The following FRMD4B variants were observed in gnomAD, a reference collection of about 807,000 sequenced individuals.
The protein encoded by FRMD4B is FERM domain-containing protein 4B.
FRMD4B carries 74 observed loss-of-function variants against 141.5 expected under a neutral mutation model. That is an observed-to-expected ratio of 0.52 (90% confidence interval 0.43 to 0.63). The LOEUF (loss-of-function observed/expected upper bound fraction) is 0.63, where lower values mean the gene tolerates loss of function less well. Among genes scored for constraint, FRMD4B ranks in the 30% least tolerant of loss-of-function variants. FRMD4B has a pLI of 0.00. For missense variants in FRMD4B, 1,366 were observed against 1,253.4 expected (o/e 1.09, Z -1.36); for synonymous variants, 506 against 467.9 (o/e 1.08, Z -1.05).
chr3:69,429,118 C>A (rs573994072), intron 2 of FRMD4B, among the ~76,000 whole-genome samples: 1 of 152,276 alleles, frequency 6.6e-6, no homozygotes, highest in East Asian at 1.9e-4. Flanking sequence ...TCAGAGTGTT[C>A]TATTAGATGG....
At chr3:69,371,739 C>T (rs28668289) in intron 1 of FRMD4B, among the ~76,000 whole-genome samples, 7,515 of 152,210 alleles carry the variant, frequency 0.049, 657 homozygotes, top group African/African-American at 0.17. Flanking sequence ...AAGGTTTTCA[C>T]TTCAGCACCC....
chr3:69,473,943 A>T (rs1189019322), intron 1 of FRMD4B, among the ~76,000 whole-genome samples: 1 of 152,094 alleles, frequency 6.6e-6, no homozygotes, highest in African/African-American at 2.4e-5. Context: ...GGCTTCTCCC[A>T]TCCCAGCCGT....
intron 1 of FRMD4B, among the ~76,000 whole-genome samples, chr3:69,375,513 T>C (rs1703949605): frequency 6.6e-6 from 1 of 152,166 alleles, no homozygotes; most frequent in Non-Finnish European, 1.5e-5. Context: ...AGAACTCACA[T>C]AACCAGTAAA....
intron 1 of FRMD4B, among the ~76,000 whole-genome samples, chr3:69,501,672 C>T (rs56289820): frequency 0.59 from 90,249 of 151,842 alleles, 28,886 homozygotes; most frequent in African/African-American, 0.86. Flanking sequence ...TGTTGGAAGT[C>T]CTGGCCAGGG....
intron 1 of FRMD4B, among the ~76,000 whole-genome samples, chr3:69,442,874 A>G (rs1705361710): frequency 2.0e-5 from 3 of 152,216 alleles, no homozygotes; most frequent in Admixed American, 2.0e-4. Context: ...CATATGCACA[A>G]TGAGAAGGTG....
intron 1 of FRMD4B, among the ~76,000 whole-genome samples, chr3:69,348,786 C>T (rs538892885): frequency 6.6e-6 from 1 of 152,158 alleles, no homozygotes. Flanking sequence ...ATTCAACAGC[C>T]CTTTATGCTA....
chr3:69,375,186 T>C (rs1162465718), intron 1 of FRMD4B, among the ~76,000 whole-genome samples: 1 of 148,656 alleles, frequency 6.7e-6, no homozygotes, highest in Non-Finnish European at 1.5e-5. Context: ...CACTTACCTG[T>C]CCACCCATCC....
intron 14 of FRMD4B, among the ~76,000 whole-genome samples, chr3:69,195,814 A>T (rs1170650703): frequency 3.3e-5 from 5 of 152,230 alleles, no homozygotes; most frequent in African/African-American, 1.2e-4. Flanking sequence ...ATTTTAGTAA[A>T]GTTACATATA....
upstream of FRMD4B, among the ~76,000 whole-genome samples, chr3:69,388,022 T>A (rs568526040): frequency 6.6e-6 from 1 of 152,120 alleles, no homozygotes; most frequent in Non-Finnish European, 1.5e-5. Context: ...ACTGTCATCA[T>A]GCTGAATGGA....
chr3:69,244,557 C>G (rs1348091637), intron 7 of FRMD4B, among the ~76,000 whole-genome samples: 2 of 152,058 alleles, frequency 1.3e-5, no homozygotes, highest in Non-Finnish European at 2.9e-5. Flanking sequence ...CTCTTGAACC[C>G]AGGAGGTGGA....
At chr3:69,188,101 A>G (rs1272455267) in intron 18 of FRMD4B, among the ~76,000 whole-genome samples, 184 bp from the exon 19 acceptor site, 1 of 152,218 alleles carries the variant, frequency 6.6e-6, no homozygotes, top group Non-Finnish European at 1.5e-5. Flanking sequence ...TACACCAGAA[A>G]AAACGAAAAT....
intron 1 of FRMD4B, among the ~76,000 whole-genome samples, chr3:69,318,697 TGATG>T (rs1376453944): frequency 6.6e-6 from 1 of 152,210 alleles, no homozygotes; most frequent in Non-Finnish European, 1.5e-5. Context: ...GGTGGAAAAG[TGATG>T]GATGTATTTT....
chr3:69,444,053 C>A (rs578175593), intron 1 of FRMD4B, among the ~76,000 whole-genome samples: 1 of 152,296 alleles, frequency 6.6e-6, no homozygotes, highest in South Asian at 2.1e-4. Flanking sequence ...TGGCCCCCAC[C>A]CAGAGGCTGA....
At chr3:69,492,638 G>A (rs1318453331) in intron 1 of FRMD4B, among the ~76,000 whole-genome samples, 1 of 152,140 alleles carries the variant, frequency 6.6e-6, no homozygotes, top group Non-Finnish European at 1.5e-5. Flanking sequence ...CATTTTGTCA[G>A]GGAACCACTT....
At chr3:69,454,498 G>A (rs1705553675) in intron 1 of FRMD4B, among the ~76,000 whole-genome samples, 1 of 152,220 alleles carries the variant, frequency 6.6e-6, no homozygotes, top group South Asian at 2.1e-4. Context: ...GCCAGTTCCA[G>A]GTGGGGTGGG....
At chr3:69,413,370 G>A (rs748039258) in intron 2 of FRMD4B, among the ~76,000 whole-genome samples, 2 of 152,142 alleles carry the variant, frequency 1.3e-5, no homozygotes, top group African/African-American at 2.4e-5. Flanking sequence ...CACTTAGCCT[G>A]GACTTGACCC....
chr3:69,475,538 A>C (rs1705978415), intron 1 of FRMD4B, among the ~76,000 whole-genome samples: 1 of 152,110 alleles, frequency 6.6e-6, no homozygotes, highest in Admixed American at 6.5e-5. Flanking sequence ...ACATGAACTC[A>C]TCATTTTTTA....
intron 5 of FRMD4B, among the ~76,000 whole-genome samples, chr3:69,264,642 A>T (rs776233637): frequency 2.6e-5 from 4 of 152,230 alleles, no homozygotes; most frequent in Admixed American, 6.5e-5. Flanking sequence ...TCAAAATATC[A>T]TTTACTCTTC....
At chr3:69,193,201 C>A (rs1559701855) in intron 17 of FRMD4B, among the ~76,000 whole-genome samples, 1 of 152,106 alleles carries the variant, frequency 6.6e-6, no homozygotes, top group Non-Finnish European at 1.5e-5. Context: ...AAATTCCAAA[C>A]AATTTTTATC....
Sources: allele counts gnomAD v4.1 joint callset (sites outside exome capture counted in the v4.1 genomes callset), GRCh38; gene constraint gnomAD v4.1.1; transcripts MANE v1.5; gene names NCBI Gene and HGNC (gene_info 2026-07-23, HGNC 2026-07-21).